PTGS2: variants seen among roughly 807,000 people sequenced by gnomAD.
PTGS2 encodes prostaglandin-endoperoxide synthase 2, also known as prostaglandin G/H synthase 2.
A neutral mutation model predicts 63.8 loss-of-function variants in PTGS2; 14 were observed. That is an observed-to-expected ratio of 0.22 (90% CI 0.14 to 0.34). The LOEUF (loss-of-function observed/expected upper bound fraction) is 0.34. PTGS2 is among the 10% of genes least tolerant of loss of function. PTGS2 has a pLI of 1.00. For synonymous variants in PTGS2, 271 were observed against 259.5 expected (o/e 1.04, Z -0.43); for missense variants, 533 against 738.5 (o/e 0.72, Z 3.23).
Position 186,676,042 on chromosome 1 carries a change from A to G in PTGS2, c.1113T>C (p.Tyr371=). The G allele has an allele frequency of 6.2e-7, 1 of 1,614,136 alleles. No individual in the cohort carries two copies. Among genetic ancestry groups the G allele is most frequent in the Non-Finnish European group, 8.5e-7 (1 of 1,180,020 alleles). ...NRIAAEFNTL[Y]HWHPLLPDTF... is the part of the protein sequence containing the mutation. ...TGTCAGGCAGAAGGGGATGCCAGTG[A>G]TAGAGGGTGTTAAATTCAGCAGCAA... The change falls in exon 8 of 10, where the codon TAT becomes TAC. Residue 371 remains tyrosine, a synonymous_variant. Coordinates refer to ENST00000367468, the MANE Select transcript of PTGS2 (RefSeq NM_000963.4).
At chr1:186,676,744 G>A in intron 6 of PTGS2, 31 bp from the exon 7 acceptor site, 1 of 1,598,856 alleles carries the variant, frequency 6.3e-7, no homozygotes, top group Non-Finnish European at 8.5e-7. Context: ...ATAAACATCA[G>A]TTAAAAAGTT....
chr1:186,677,297 A>C (rs1388020490), intron 5 of PTGS2, among the ~76,000 whole-genome samples: 1 of 152,198 alleles, frequency 6.6e-6, no homozygotes, highest in Non-Finnish European at 1.5e-5. Context: ...CTCACTTTAC[A>C]ATATTGAAAG....
In PTGS2 at chr1:186,672,432, A is replaced by G. The variant is rs1665704744; in HGVS notation, c.*1921T>C. 6.6e-6 allele frequency: 1 copy of G among 152,442 alleles called. No individual in the cohort carries two copies. Among genetic ancestry groups the G allele is most frequent in the Non-Finnish European group, 1.5e-5 (1 of 67,974 alleles). 9.4% of individuals were successfully genotyped at this position (152,442 alleles called of 1,614,324 possible). On this transcript the variant is annotated 3_prime_UTR_variant, in exon 10 of 10. Coordinates refer to ENST00000367468, the MANE Select transcript of PTGS2 (RefSeq NM_000963.4). ...CAGATTTCTAAAAATTTATTCACAA[A>G]TCTTAATACAATCATTTCTTTGGAT... is the stretch of plus-strand genomic sequence containing the variant.
intron 8 of PTGS2, 82 bp from the exon 9 acceptor site, chr1:186,675,478 A>T (rs1333526789): frequency 2.0e-6 from 3 of 1,491,186 alleles, no homozygotes; most frequent in Non-Finnish European, 2.7e-6. Flanking sequence ...GGTACAAATC[A>T]GGTAAAACTG....
chr1:186,678,182 C>A, intron 4 of PTGS2, 79 bp downstream of exon 4: 1 of 1,397,342 alleles, frequency 7.2e-7, no homozygotes, highest in Non-Finnish European at 9.6e-7. Flanking sequence ...AAATGGTAGT[C>A]TAAGGTCAAT....
chr1:186,680,156 G>T, intron 1 of PTGS2, 83 bp downstream of exon 1: 1 of 1,543,612 alleles, frequency 6.5e-7, no homozygotes, highest in South Asian at 1.2e-5. Flanking sequence ...TCGGAGTACT[G>T]GGATAGACCC....
chr1:186,673,235 T>G lies in PTGS2; in HGVS notation c.*1118A>C, dbSNP rs1665720102. 1 of 152,174 alleles carries G rather than the reference T, an allele frequency of 6.6e-6. No individual in the cohort carries two copies. Among genetic ancestry groups the G allele is most frequent in the Admixed American group, 6.5e-5 (1 of 15,280 alleles). 9.4% of individuals were successfully genotyped at this position (152,174 alleles called of 1,614,324 possible). On this transcript the variant is annotated 3_prime_UTR_variant, in exon 10 of 10. Transcript: ENST00000367468. Reference sequence around the variant, plus strand: ...GGTATTTTATGAGGTCATTGCTACTTTTGCAATGTGATATGGACTGCTAAA... The same window carrying G: ...GGTATTTTATGAGGTCATTGCTACTGTTGCAATGTGATATGGACTGCTAAA...
rs760757126 is a variant in PTGS2, at chr1:186,676,051, G to A, written c.1104C>T (p.Asn368=). The change falls in exon 8 of 10, where the codon AAC becomes AAT. Residue 368 remains asparagine, a synonymous_variant. Transcript: ENST00000367468. ...GAAGGGGATGCCAGTGATAGAGGGT[G>A]TTAAATTCAGCAGCAATACGATTTT... The part of the protein sequence containing the change: ...QYQNRIAAEF[N]TLYHWHPLLP... The A allele has an allele frequency of 6.8e-6, 11 of 1,614,100 alleles. No individual in the cohort carries two copies. The highest frequency in any genetic ancestry group is 1.1e-5 in the South Asian group (1 of 91,076).
At position 186,674,442 on chromosome 1, in the gene PTGS2, T is replaced by C; in HGVS notation, c.1726A>G (p.Thr576Ala). 1 of 1,614,138 alleles carries C rather than the reference T, an allele frequency of 6.2e-7. No individual in the cohort carries two copies. Among genetic ancestry groups the C allele is most frequent in the Non-Finnish European group, 8.5e-7 (1 of 1,179,994 alleles). Residue 576 changes from threonine to alanine, a missense_variant, in exon 10 of 10, where the codon ACA becomes GCA. Physicochemically the swap from Thr to Ala is moderately conservative, Grantham distance 58. This residue lies in a region of PTGS2 where 219 missense variants were observed against 267.4 expected (regional missense o/e 0.82). Coordinates refer to ENST00000367468, the MANE Select transcript of PTGS2 (RefSeq NM_000963.4). ...GAAGAACTTGCATTGATGGTGACTGTTTTAATGAGCTCTGGATCTGGAACA... is the reference window on the plus strand; with the variant it reads ...GAAGAACTTGCATTGATGGTGACTGCTTTAATGAGCTCTGGATCTGGAACA... ...FSVPDPELIK[T>A]VTINASSSRS... is the part of the protein sequence containing the mutation.
intron 2 of PTGS2, 25 bp from the exon 3 acceptor site, chr1:186,679,226 G>A: frequency 6.2e-7 from 1 of 1,612,784 alleles, no homozygotes; most frequent in Non-Finnish European, 8.5e-7. Context: ...AGAAAGGGAG[G>A]GAGAAATTAA....
In PTGS2 at chr1:186,679,052, A is replaced by G; in HGVS notation, c.313+6T>C. On this transcript the variant is annotated splice_donor_region_variant and intron_variant, in intron 3 of 9. Coordinates refer to ENST00000367468, the MANE Select transcript of PTGS2 (RefSeq NM_000963.4). ...CTAAAAACCTTAGAAAGACACTTGTACTTACATGTCAACACATAACTCATA... is the reference window on the plus strand; with the variant it reads ...CTAAAAACCTTAGAAAGACACTTGTGCTTACATGTCAACACATAACTCATA... The G allele has an allele frequency of 6.2e-7, 1 of 1,611,822 alleles. No individual in the cohort carries two copies. The highest frequency in any genetic ancestry group is 8.5e-7 in the Non-Finnish European group (1 of 1,179,250).
At chr1:186,676,360 G>A in intron 7 of PTGS2, 107 bp downstream of exon 7, 1 of 1,458,892 alleles carries the variant, frequency 6.9e-7, no homozygotes, top group Non-Finnish European at 9.3e-7. Context: ...TATAGAATGT[G>A]TGAGTTTTCA....
At chr1:186,680,202 G>C (rs1017675876) in intron 1 of PTGS2, 37 bp downstream of exon 1, 32 of 1,549,674 alleles carry the variant, frequency 2.1e-5, no homozygotes, top group Non-Finnish European at 2.5e-5. Flanking sequence ...CGGGTGCGTG[G>C]AACCGGAGTC....
chr1:186,679,277 G>C (rs201933308), intron 2 of PTGS2, 45 bp downstream of exon 2: 1 of 1,612,198 alleles, frequency 6.2e-7, no homozygotes, highest in Admixed American at 1.7e-5. Flanking sequence ...AATGATAACT[G>C]TATCCAGCCC....
Position 186,674,494 on chromosome 1 carries a change from C to T in PTGS2, c.1674G>A (p.Val558=). The change falls in exon 10 of 10, where the codon GTG becomes GTA. Residue 558 remains valine, a synonymous_variant. Transcript: ENST00000367468. The part of the protein sequence containing the change: ...ASIQSLICNN[V]KGCPFTSFSV... ...TGAATGAAGTAAAGGGACAGCCCTT[C>T]ACGTTATTGCAGATGAGAGACTGAA... 1 of 1,614,182 alleles carries T rather than the reference C, an allele frequency of 6.2e-7. No homozygotes were observed. The highest frequency in any genetic ancestry group is 8.5e-7 in the Non-Finnish European group (1 of 1,180,034).
In PTGS2 at chr1:186,675,881, T is replaced by G. The variant is rs1044152693; in HGVS notation, c.1257+17A>C. ...ACTGACTAGTCTTTTGTTTTGGTTT[T>G]CAATAATAATGCTTACCCTGCCAGC... On this transcript the variant is annotated intron_variant, in intron 8 of 9. Transcript: ENST00000367468. 3 of 1,589,544 alleles carry G rather than the reference T, an allele frequency of 1.9e-6. No individual in the cohort carries two copies. The highest frequency in any genetic ancestry group is 1.8e-5 in the Admixed American group (1 of 56,366).
chr1:186,678,832 A>G (rs1256797343), intron 3 of PTGS2, among the ~76,000 whole-genome samples: 1 of 152,156 alleles, frequency 6.6e-6, no homozygotes, highest in Non-Finnish European at 1.5e-5. Context: ...CAAACTGACC[A>G]AACAGTAAAG....
rs1168404947 is a variant in PTGS2, at chr1:186,671,900, C to T, written c.*2453G>A. On this transcript the variant is annotated 3_prime_UTR_variant, in exon 10 of 10. Transcript: ENST00000367468. ...TTATCTTTTACATAAGTTAAATACA[C>T]ATTTGTCTGAGGCACTGAAACATTC... is the stretch of plus-strand genomic sequence containing the variant. The T allele has an allele frequency of 2.6e-5, 4 of 152,058 alleles. No homozygotes were observed. The highest frequency in any genetic ancestry group is 2.6e-4 in the Admixed American group (4 of 15,244). The allele number at this position is 152,058 out of a possible 1,614,324, so 9.4% of individuals were successfully genotyped here.
chr1:186,680,091 C>T, intron 1 of PTGS2, 148 bp downstream of exon 1: 2 of 1,225,546 alleles, frequency 1.6e-6, no homozygotes, highest in African/African-American at 1.5e-5. Context: ...TTCTTTCGAA[C>T]TCTAGCGGTC....
Sources: gnomAD v4.1 joint callset for allele counts (sites outside exome capture counted in the v4.1 genomes callset) on GRCh38, gnomAD v4.1.1 for gene constraint, gnomAD v4.1.1 regional missense constraint, MANE v1.5 for transcripts, NCBI Gene and HGNC (gene_info 2026-07-23, HGNC 2026-07-21) for gene names.